The following NLRC5 variants were observed in gnomAD, a reference collection of about 807,000 sequenced individuals.
NLRC5 encodes protein NLRC5.
NLRC5 carries 114 observed loss-of-function variants against 206.9 expected under a neutral mutation model. That is an observed-to-expected ratio of 0.55 (90% CI 0.47 to 0.64). The LOEUF (loss-of-function observed/expected upper bound fraction) is 0.64, where lower values mean the gene tolerates loss of function less well. NLRC5 is among the 30% of genes least tolerant of loss of function. NLRC5 has a pLI of 0.00. For synonymous variants in NLRC5, 952 were observed against 962.8 expected, an observed-to-expected ratio of 0.99 and a Z score of 0.21; for missense variants, 2,008 against 2,305.5, an observed-to-expected ratio of 0.87 and a Z score of 2.64.
rs546471868 is a variant in NLRC5, at chr16:56,991,778, C to T, written c.-128+2161C>T. The T allele has an allele frequency of 1.2e-3, 174 of 148,256 alleles. 1 individual carries two copies. The highest frequency in any genetic ancestry group is 3.5e-3 in the Middle Eastern group (1 of 286). 9.2% of individuals were successfully genotyped at this position (148,256 alleles called of 1,614,324 possible). On this transcript the variant is annotated intron_variant, in intron 1 of 48. Transcript: ENST00000688547. The stretch of plus-strand genomic sequence containing the variant: ...CCTCCCAAAGTGTTGAGATTATGGG[C>T]GTGAGCCACCACACCCAGCCATAAC...
chr16:57,068,638 A>G (rs1449329223), intron 36 of NLRC5, among the ~76,000 whole-genome samples: 3 of 152,200 alleles, frequency 2.0e-5, no homozygotes, highest in Non-Finnish European at 2.9e-5. Flanking sequence ...ATTCTCTTCC[A>G]TAATCCAGTA....
rs750966802 is a variant in NLRC5, at chr16:57,043,504, G to A, written c.3114-11G>A. The A allele has an allele frequency of 6.2e-7, 1 of 1,612,888 alleles. No individual in the cohort carries two copies. The highest frequency in any genetic ancestry group is 1.7e-5 in the Admixed American group (1 of 60,016). Reference sequence around the variant, plus strand: ...GAGTGACCTCCATTGTGCCACCCCTGTGATCTCCAGCCTCAGTGAGAACGG... The same window carrying A: ...GAGTGACCTCCATTGTGCCACCCCTATGATCTCCAGCCTCAGTGAGAACGG... On this transcript the variant is annotated splice_polypyrimidine_tract_variant and intron_variant, in intron 19 of 48. Coordinates refer to ENST00000688547, the MANE Select transcript of NLRC5 (RefSeq NM_001384950.1).
At position 57,010,906 on chromosome 16, in the gene NLRC5, A is replaced by ATTTTT. The variant is rs1445281842; in HGVS notation, c.-127-6168_-127-6167insTTTTT. 1.1e-4 allele frequency among the ~76,000 whole-genome samples: 15 copies of ATTTTT among 141,340 alleles called. No homozygotes were observed. The South Asian group carries it at 3.2e-3, about 30-fold the overall frequency. The allele number at this position is 141,340 out of a possible 152,430, so 92.7% of individuals were successfully genotyped here. On this transcript the variant is annotated intron_variant, in intron 1 of 48. Coordinates refer to ENST00000688547, the MANE Select transcript of NLRC5 (RefSeq NM_001384950.1). ...TAAATGTTCTTGTGGCTTTTTTTAA[A>ATTTTT]AAAAAATCAAAATGTGCACATTAAA...
chr16:57,007,724 G>C (rs1368052138), intron 1 of NLRC5, among the ~76,000 whole-genome samples: 1 of 152,082 alleles, frequency 6.6e-6, no homozygotes, highest in Non-Finnish European at 1.5e-5. Flanking sequence ...GTGAGACTCT[G>C]TCTCAAAAAA....
intron 1 of NLRC5, chr16:56,992,211 C>CAGAA (rs1412915132): frequency 6.6e-6 from 1 of 152,182 alleles, no homozygotes; most frequent in East Asian, 1.9e-4. Context: ...CTCTGACCTC[C>CAGAA]AGAACTGCGA....
chr16:56,990,097 A>C (rs1190629833), intron 1 of NLRC5, among the ~76,000 whole-genome samples: 2 of 152,216 alleles, frequency 1.3e-5, no homozygotes, highest in Non-Finnish European at 2.9e-5. Context: ...TAGTAGAAGG[A>C]ATAGAATTAG....
chr16:57,020,780 A>C lies in NLRC5; in HGVS notation c.68A>C (p.Lys23Thr), dbSNP rs773996257. ...AGCTGTCTTGTGAGGCTGCTCACCA[A>C]AGACCCAGAATGGCTGAACGCCAAG... ...LWSCLVRLLT[K>T]DPEWLNAKMK... The change falls in exon 3 of 49, where the codon AAA becomes ACA. Residue 23 changes from lysine (K) to threonine (T), a missense_variant. Transcript: ENST00000688547. 56 of 1,612,686 alleles carry C rather than the reference A, an allele frequency of 3.5e-5. No individual in the cohort carries two copies. Among genetic ancestry groups the C allele is most frequent in the Middle Eastern group, 3.3e-4 (2 of 6,080 alleles).
At chr16:57,043,651 A>C (rs772011638) in intron 20 of NLRC5, 47 bp downstream of exon 20, 1 of 1,476,744 alleles carries the variant, frequency 6.8e-7, no homozygotes, top group Non-Finnish European at 9.5e-7. Flanking sequence ...CCCCCATCCC[A>C]CAGGTCATCT....
chr16:57,000,231 G>A (rs756784395), intron 1 of NLRC5, among the ~76,000 whole-genome samples: 4 of 152,164 alleles, frequency 2.6e-5, no homozygotes, highest in Non-Finnish European at 5.9e-5. Flanking sequence ...CCACCAGCTG[G>A]CCACCTGCTG....
In NLRC5 at chr16:57,055,077, G is replaced by A; in HGVS notation, c.3642G>A (p.Glu1214=). 6.2e-7 allele frequency: 1 copy of A among 1,614,236 alleles called. No individual in the cohort carries two copies. Among genetic ancestry groups the A allele is most frequent in the Non-Finnish European group, 8.5e-7 (1 of 1,180,042 alleles). Residue 1214 remains glutamate, a synonymous_variant, in exon 26 of 49, where the codon GAG becomes GAA. Transcript: ENST00000688547. ...TGCACTTCAGATCCAACGAGGAGGAGGAAGGCGTGTGCTGTGGGTAAGCCC... is the reference window on the plus strand; with the variant it reads ...TGCACTTCAGATCCAACGAGGAGGAAGAAGGCGTGTGCTGTGGGTAAGCCC... ...ATLHFRSNEE[E]EGVCCGRFTG...
intron 33 of NLRC5, among the ~76,000 whole-genome samples, chr16:57,065,894 A>G (rs757859112): frequency 2.6e-5 from 4 of 152,174 alleles, no homozygotes; most frequent in South Asian, 4.1e-4. Flanking sequence ...AGGAGTGAGC[A>G]AGGGGATGCT....
At chr16:57,011,230 T>C (rs1316211053) in intron 1 of NLRC5, among the ~76,000 whole-genome samples, 2 of 151,220 alleles carry the variant, frequency 1.3e-5, no homozygotes, top group Non-Finnish European at 2.9e-5. Context: ...CTGACCAATA[T>C]GGTGAAACCC....
In NLRC5 at chr16:57,078,086, G is replaced by A. The variant is rs570586813; in HGVS notation, c.5081+66G>A. The stretch of plus-strand genomic sequence containing the variant: ...AGGAGGGTCCTCGGGAGCAGTGGGG[G>A]GGTCCAGGCCCCCATCAGTTGAGCT... On this transcript the variant is annotated intron_variant, in intron 43 of 48. Coordinates refer to ENST00000688547, the MANE Select transcript of NLRC5 (RefSeq NM_001384950.1). The A allele has an allele frequency of 1.0e-5, 14 of 1,365,600 alleles. No homozygotes were observed. The South Asian group carries it at 1.8e-4, about 18-fold the overall frequency. The allele number at this position is 1,365,600 out of a possible 1,614,324, so 84.6% of individuals were successfully genotyped here.
chr16:57,077,581 T>C (rs2068556460), intron 41 of NLRC5, 138 bp from the exon 42 acceptor site: 2 of 989,758 alleles, frequency 2.0e-6, no homozygotes, highest in East Asian at 5.0e-5. Flanking sequence ...CCTTTCTGCC[T>C]CATTGTCTGG....
chr16:57,065,699 C>T (rs1372856746), intron 33 of NLRC5, among the ~76,000 whole-genome samples: 1 of 152,228 alleles, frequency 6.6e-6, no homozygotes, highest in Non-Finnish European at 1.5e-5. Flanking sequence ...GTTCAGATCC[C>T]AACTCAGTCA....
intron 1 of NLRC5, chr16:56,992,297 A>G (rs1442437496): frequency 2.0e-5 from 3 of 152,180 alleles, no homozygotes; most frequent in Non-Finnish European, 4.4e-5. Flanking sequence ...TACTGTGACA[A>G]CACTAGGAAA....
intron 1 of NLRC5, among the ~76,000 whole-genome samples, chr16:57,011,469 C>T (rs1014274149): frequency 6.6e-6 from 1 of 152,044 alleles, no homozygotes; most frequent in Non-Finnish European, 1.5e-5. Context: ...CGCCTGTAAT[C>T]CCAGCACTTA....
At chr16:57,035,466 C>T (rs1278505554) in intron 13 of NLRC5, among the ~76,000 whole-genome samples, 3 of 152,156 alleles carry the variant, frequency 2.0e-5, no homozygotes, top group South Asian at 2.1e-4. Context: ...CCATCTGACC[C>T]CATCCTTCCA....
intron 15 of NLRC5, 101 bp downstream of exon 15, chr16:57,037,385 A>T (rs1460204493): frequency 4.6e-6 from 5 of 1,080,340 alleles, no homozygotes; most frequent in Non-Finnish European, 7.0e-6. Context: ...GACGGGCAGA[A>T]GATGCTGCTG....
Sources: allele counts gnomAD v4.1 joint callset (sites outside exome capture counted in the v4.1 genomes callset), GRCh38; gene constraint gnomAD v4.1.1; transcripts MANE v1.5; gene names NCBI Gene and HGNC (gene_info 2026-07-23, HGNC 2026-07-21).